Variants in ANK3 observed in about 807,000 individuals in gnomAD.
ANK3 encodes ankyrin-3.
A neutral mutation model predicts 370.9 loss-of-function variants in ANK3; 57 were observed. That is an observed-to-expected ratio of 0.15 (90% CI 0.12 to 0.19). The LOEUF (loss-of-function observed/expected upper bound fraction) is 0.19, where lower values mean the gene tolerates loss of function less well. Ranked by LOEUF, ANK3 falls within the 10% of genes least tolerant of loss-of-function variation. ANK3 has a pLI of 1.00. For missense variants in ANK3, 4,439 were observed against 5,302.1 expected (o/e 0.84, Z 5.06); for synonymous variants, 1,929 against 1,946.3 (o/e 0.99, Z 0.23).
Position 60,073,174 on chromosome 10 carries a change from C to T in ANK3, c.7707G>A (p.Glu2569=), listed in dbSNP as rs768435068. The T allele has an allele frequency of 1.9e-6, 3 of 1,614,150 alleles. No individual in the cohort carries two copies. Among genetic ancestry groups the T allele is most frequent in the Non-Finnish European group, 8.5e-7 (1 of 1,179,998 alleles). Residue 2569 remains glutamate (E), a synonymous_variant, in exon 37 of 44, where the codon GAG becomes GAA. Transcript: ENST00000280772. ...FTEDRLDRGR[E]KLIYEDRVDR... ...CCACCCTATCTTCATATATCAACTT[C>T]TCTCTACCTCTGTCTAATCTGTCCT...
In ANK3 at chr10:60,312,587, C is replaced by G. The variant is rs191840692; in HGVS notation, c.115-32948G>C. 6.4e-3 allele frequency among the ~76,000 whole-genome samples: 979 copies of G among 152,200 alleles called. 10 individuals are homozygous for G. The highest frequency in any genetic ancestry group is 0.023 in the African/African-American group (940 of 41,518). On this transcript the variant is annotated intron_variant, in intron 1 of 43. Transcript: ENST00000280772. ...ATTGAATCTTAGGCCTAGATGGGACCTCATAGTCAGTGGGACCCAATTTTC... is the reference window on the plus strand; with the variant it reads ...ATTGAATCTTAGGCCTAGATGGGACGTCATAGTCAGTGGGACCCAATTTTC...
rs1565506436 is a variant in ANK3 at position 60,180,626 on chromosome 10, C to CAAAAAAAAAAAAACAT, written c.2184+702_2184+703insATGTTTTTTTTTTTTT. The stretch of plus-strand genomic sequence containing the variant: ...AAAAAAAAAAAAACCAAAAAAAAAA[C>CAAAAAAAAAAAAACAT]ATGTTAGAGTAGATGACACAAATGA... On this transcript the variant is annotated intron_variant, in intron 18 of 43. Coordinates refer to ENST00000280772, the MANE Select transcript of ANK3 (RefSeq NM_020987.5). Among the ~76,000 whole-genome samples the CAAAAAAAAAAAAACAT allele has an allele frequency of 1.1e-3, 127 of 119,232 alleles. 2 individuals carry two copies. Among genetic ancestry groups the CAAAAAAAAAAAAACAT allele is most frequent in the Middle Eastern group, 9.0e-3 (2 of 222 alleles). The allele number at this position is 119,232 out of a possible 152,430, so 78.2% of individuals were successfully genotyped here. A position where few individuals can be genotyped will look rare whatever the true frequency, so the allele number is the denominator to read the frequency against.
intron 2 of ANK3, among the ~76,000 whole-genome samples, chr10:60,423,142 G>T (rs2063812095): frequency 6.6e-6 from 1 of 152,000 alleles, no homozygotes; most frequent in Non-Finnish European, 1.5e-5. Flanking sequence ...TTGTCTACGT[G>T]AAAACCAATC....
intron 5 of ANK3, among the ~76,000 whole-genome samples, chr10:60,268,180 T>C (rs1016022012): frequency 3.9e-5 from 6 of 152,202 alleles, no homozygotes; most frequent in African/African-American, 1.4e-4. Context: ...GCTAAATGTT[T>C]GTTATTTTGA....
intron 2 of ANK3, among the ~76,000 whole-genome samples, chr10:60,467,216 C>T (rs2065030702): frequency 6.6e-6 from 1 of 152,172 alleles, no homozygotes. Flanking sequence ...TATCAGCTTA[C>T]TACCCCTATG....
chr10:60,652,120 G>A (rs963006315), intron 1 of ANK3, among the ~76,000 whole-genome samples: 3 of 152,006 alleles, frequency 2.0e-5, no homozygotes, highest in Non-Finnish European at 2.9e-5. Flanking sequence ...ACTTTGGGAG[G>A]CCAAGTAATC....
rs72807908 is a variant in ANK3 at position 60,464,010 on chromosome 10, A to C, written c.96+151176T>G. 6.3e-3 allele frequency among the ~76,000 whole-genome samples: 804 copies of C among 128,036 alleles called. 4 individuals carry two copies. The highest frequency in any genetic ancestry group is 0.018 in the South Asian group (59 of 3,348). The allele number at this position is 128,036 out of a possible 152,430, so 84.0% of individuals were successfully genotyped here. ...CTATGAAATGGTCCAGAAACACTGAAAAGATTAGCATTGTTTCACACAGAG... is the reference window on the plus strand; with the variant it reads ...CTATGAAATGGTCCAGAAACACTGACAAGATTAGCATTGTTTCACACAGAG... On this transcript the variant is annotated intron_variant, in intron 2 of 43. Coordinates refer to the ANK3 transcript ENST00000373827.
At position 60,697,350 on chromosome 10, in the gene ANK3, T is replaced by A. The variant is rs1180900885; in HGVS notation, c.57+35913A>T. 2.6e-5 allele frequency among the ~76,000 whole-genome samples: 4 copies of A among 151,926 alleles called. No individual in the cohort carries two copies. The East Asian group carries it at 7.7e-4, about 29-fold the overall frequency. ...TGCCCAAGGTAATTTACAAATTCAA[T>A]GCCATCCCCATCAAGCTACCAATGA... On this transcript the variant is annotated intron_variant, in intron 1 of 43. Coordinates refer to the ANK3 transcript ENST00000373827.
At chr10:60,700,450 T>TC (rs1177288517) in intron 1 of ANK3, among the ~76,000 whole-genome samples, 1 of 151,958 alleles carries the variant, frequency 6.6e-6, no homozygotes, top group Non-Finnish European at 1.5e-5. Context: ...TGAAAAAATT[T>TC]CCCCCCTGGA....
chr10:60,377,914 T>A lies in ANK3; in HGVS notation c.114+11511A>T, dbSNP rs77963571. 5.4e-3 allele frequency among the ~76,000 whole-genome samples: 827 copies of A among 152,340 alleles called. 9 individuals are homozygous for A. The highest frequency in any genetic ancestry group is 0.018 in the African/African-American group (767 of 41,584). ...AACAATGTTTGACACCTACCAATTATTTTTATCGTAAATTGAACCTAACTT... is the reference window on the plus strand; with the variant it reads ...AACAATGTTTGACACCTACCAATTAATTTTATCGTAAATTGAACCTAACTT... On this transcript the variant is annotated intron_variant, in intron 1 of 43. Coordinates refer to ENST00000280772, the MANE Select transcript of ANK3 (RefSeq NM_020987.5).
chr10:60,337,347 T>C (rs1186152049), intron 1 of ANK3, among the ~76,000 whole-genome samples: 1 of 152,170 alleles, frequency 6.6e-6, no homozygotes, highest in Non-Finnish European at 1.5e-5. Context: ...TTCTGTTTTC[T>C]GAATTCTCCA....
At chr10:60,247,604 A>G (rs1244967121) in intron 7 of ANK3, among the ~76,000 whole-genome samples, 1 of 152,146 alleles carries the variant, frequency 6.6e-6, no homozygotes, top group Admixed American at 6.5e-5. Context: ...ACCTGTGTTA[A>G]GTGCAATCAT....
intron 1 of ANK3, among the ~76,000 whole-genome samples, chr10:60,713,021 C>T (rs1000953418): frequency 6.6e-6 from 1 of 152,176 alleles, no homozygotes; most frequent in African/African-American, 2.4e-5. Context: ...GAGACTTCGA[C>T]ACCTTTTTAT....
chr10:60,283,696 A>G (rs2098200179), intron 1 of ANK3, among the ~76,000 whole-genome samples: 1 of 152,150 alleles, frequency 6.6e-6, no homozygotes, highest in African/African-American at 2.4e-5. Flanking sequence ...AAGCATTATT[A>G]TGAATTAATC....
intron 23 of ANK3, 24 bp from the exon 24 acceptor site, chr10:60,139,111 A>G (rs763785114): frequency 1.2e-6 from 2 of 1,602,414 alleles, no homozygotes; most frequent in Admixed American, 1.7e-5. Flanking sequence ...GAGTAAGCCC[A>G]CATCAAAAGC....
intron 8 of ANK3, among the ~76,000 whole-genome samples, chr10:60,217,917 T>C (rs1472323467): frequency 2.0e-5 from 3 of 152,096 alleles, no homozygotes; most frequent in African/African-American, 7.2e-5. Context: ...AAAGAACTTG[T>C]TTTATGAATC....
At chr10:60,678,152 A>T (rs10509138) in intron 1 of ANK3, among the ~76,000 whole-genome samples, 2 of 152,172 alleles carry the variant, frequency 1.3e-5, no homozygotes, top group Admixed American at 1.3e-4. Context: ...AAAAGCTCTA[A>T]GAGTTAGCTT....
At chr10:60,508,828 C>A (rs2076005742) in intron 2 of ANK3, among the ~76,000 whole-genome samples, 1 of 152,036 alleles carries the variant, frequency 6.6e-6, no homozygotes, top group Non-Finnish European at 1.5e-5. Flanking sequence ...TTGACAGATA[C>A]AAGTTAATTA....
At chr10:60,368,541 A>G (rs1431444411) in intron 1 of ANK3, among the ~76,000 whole-genome samples, 3 of 152,200 alleles carry the variant, frequency 2.0e-5, no homozygotes, top group Non-Finnish European at 4.4e-5. Context: ...AAGGGAGTAT[A>G]CACCACACAA....
Sources: allele counts gnomAD v4.1 joint callset (sites outside exome capture counted in the v4.1 genomes callset), GRCh38; gene constraint gnomAD v4.1.1; transcripts MANE v1.5; gene names NCBI Gene and HGNC (gene_info 2026-07-23, HGNC 2026-07-21).